The following DAB1 variants were observed in gnomAD, a reference collection of about 807,000 sequenced individuals.
DAB1 encodes disabled homolog 1.
In DAB1, 15 loss-of-function variants were observed where a neutral mutation model predicts 64.6. The observed-to-expected ratio is 0.23, with a 90% CI of 0.16 to 0.36. The LOEUF is 0.36. Ranked by LOEUF, DAB1 falls within the 10% of genes least tolerant of loss-of-function variation. The pLI is 1.00. For missense variants in DAB1, 596 were observed against 706.7 expected (o/e 0.84, Z 1.78); for synonymous variants, 235 against 251.9 (o/e 0.93, Z 0.64).
rs547575477 is a variant in DAB1 at position 57,563,397 on chromosome 1, CT to C, written n.625+86194del. On this transcript the variant is annotated intron_variant and non_coding_transcript_variant, in intron 7 of 20. Coordinates refer to the DAB1 transcript ENST00000485760. Reference sequence around the variant, plus strand: ...AGACGGGTGATTTCTGCATTTCCAACTGAGGTACCAGGTTTATCTCACTGGG... The same window carrying C: ...AGACGGGTGATTTCTGCATTTCCAACGAGGTACCAGGTTTATCTCACTGGG... Among the ~76,000 whole-genome samples the C allele has an allele frequency of 6.8e-3, 1,037 of 152,300 alleles. 8 individuals are homozygous for C. Among genetic ancestry groups the C allele is most frequent in the Non-Finnish European group, 0.011 (761 of 68,028 alleles).
intron 1 of DAB1, among the ~76,000 whole-genome samples, chr1:57,368,880 C>G (rs1680273025): frequency 6.6e-6 from 1 of 152,122 alleles, no homozygotes; most frequent in Admixed American, 6.5e-5. Flanking sequence ...TATGGGTAAA[C>G]TTACCAAAGA....
chr1:57,649,864 G>C (rs1335367803), intron 6 of DAB1, among the ~76,000 whole-genome samples: 1 of 152,182 alleles, frequency 6.6e-6, no homozygotes, highest in African/African-American at 2.4e-5. Flanking sequence ...TTAGGCAAGA[G>C]GTAGTCACAG....
chr1:57,979,838 T>A (rs1362083871), intron 5 of DAB1, among the ~76,000 whole-genome samples: 1 of 152,202 alleles, frequency 6.6e-6, no homozygotes, highest in Non-Finnish European at 1.5e-5. Context: ...TAATTCCTTC[T>A]TTAGATCCCT....
intron 2 of DAB1, among the ~76,000 whole-genome samples, chr1:57,246,619 G>A (rs1446868261): frequency 3.3e-5 from 5 of 152,216 alleles, no homozygotes; most frequent in South Asian, 4.1e-4. Flanking sequence ...GCTGTGAGAG[G>A]AGGGACACTG....
At chr1:58,315,273 T>C (rs750660691) in intron 4 of DAB1, among the ~76,000 whole-genome samples, 15 of 152,198 alleles carry the variant, frequency 9.9e-5, no homozygotes, top group Non-Finnish European at 1.6e-4. Context: ...GGACCATGTA[T>C]TAATCTTTGG....
At chr1:58,375,184 C>A (rs1282627861) in intron 3 of DAB1, among the ~76,000 whole-genome samples, 2 of 149,398 alleles carry the variant, frequency 1.3e-5, no homozygotes, top group South Asian at 2.1e-4. Context: ...CCTTCTCCTG[C>A]CTAATTGCCC....
At chr1:57,451,184 G>A (rs1686341551) in intron 7 of DAB1, among the ~76,000 whole-genome samples, 1 of 152,086 alleles carries the variant, frequency 6.6e-6, no homozygotes, top group South Asian at 2.1e-4. Context: ...CCCTGCATTT[G>A]TCTTACTTTG....
chr1:57,194,198 T>C (rs1297369763), intron 2 of DAB1, among the ~76,000 whole-genome samples: 1 of 152,232 alleles, frequency 6.6e-6, no homozygotes, highest in Non-Finnish European at 1.5e-5. Context: ...TAACTGACCA[T>C]TACGGCTGTT....
chr1:57,920,654 C>G (rs1051491526), intron 5 of DAB1, among the ~76,000 whole-genome samples: 12 of 152,144 alleles, frequency 7.9e-5, no homozygotes, highest in African/African-American at 2.9e-4. Flanking sequence ...AATTATTAAT[C>G]TCTCCAAGGC....
At chr1:58,049,205 G>T (rs1442766235) in intron 5 of DAB1, 3 of 768,044 alleles carry the variant, frequency 3.9e-6, no homozygotes, top group African/African-American at 3.4e-5. Flanking sequence ...GGCTTCTCAG[G>T]TTCTCATCAG....
intron 2 of DAB1, among the ~76,000 whole-genome samples, chr1:57,259,820 G>A (rs1670047125): frequency 6.6e-6 from 1 of 152,178 alleles, no homozygotes; most frequent in Non-Finnish European, 1.5e-5. Flanking sequence ...AAAATTAGAA[G>A]ACATCAAGCA....
Position 57,507,451 on chromosome 1 carries a change from T to C in DAB1, n.625+142141A>G, listed in dbSNP as rs1035998156. 1.3e-4 allele frequency among the ~76,000 whole-genome samples: 20 copies of C among 152,336 alleles called. 1 individual carries two copies. Among genetic ancestry groups the C allele is most frequent in the African/African-American group, 4.6e-4 (19 of 41,580 alleles). Reference sequence around the variant, plus strand: ...TTTCACCATTTCAGTGCACGTTCTATATTTCCACCTCAACTATCTTAACTA... The same window carrying C: ...TTTCACCATTTCAGTGCACGTTCTACATTTCCACCTCAACTATCTTAACTA... On this transcript the variant is annotated intron_variant and non_coding_transcript_variant, in intron 7 of 20. Transcript: ENST00000485760.
At position 57,015,320 on chromosome 1, in the gene DAB1, G is replaced by A. The variant is rs1646393203; in HGVS notation, c.1007C>T (p.Ala336Val). 2 of 1,613,964 alleles carry A rather than the reference G, an allele frequency of 1.2e-6. No individual in the cohort carries two copies. Among genetic ancestry groups the A allele is most frequent in the African/African-American group, 2.7e-5 (2 of 74,924 alleles). Residue 336 changes from alanine to valine, a missense_variant, in exon 12 of 15, where the codon GCT (alanine) becomes GTT (valine). Physicochemically the swap from Ala to Val is moderately conservative, Grantham distance 64. Coordinates refer to ENST00000371236, the MANE Select transcript of DAB1 (RefSeq NM_001365792.1). ...QPPVAQVMPG[A>V]QPIAWGQPGL... ...CGGCTGGCCCCATGCGATGGGCTGA[G>A]CCCCCGGCATCACCTGAGCGACTGG...
chr1:57,000,749 T>C (rs658127), intron 14 of DAB1, among the ~76,000 whole-genome samples: 48,816 of 152,046 alleles, frequency 0.32, 9,607 homozygotes, highest in African/African-American at 0.54. Flanking sequence ...TGTTCTCAGC[T>C]CATTCTTCTT....
intron 7 of DAB1, among the ~76,000 whole-genome samples, chr1:57,446,598 CA>C (rs11418380): frequency 1.3e-3 from 167 of 132,768 alleles, no homozygotes; most frequent in African/African-American, 2.2e-3. Context: ...AACTCCGTTG[CA>C]AAAAAAAAAA....
intron 5 of DAB1, among the ~76,000 whole-genome samples, chr1:57,902,106 A>G (rs1644483076): frequency 6.6e-6 from 1 of 151,468 alleles, no homozygotes; most frequent in Admixed American, 6.6e-5. Flanking sequence ...GCCGTGAGCC[A>G]AGATAACACC....
intron 3 of DAB1, among the ~76,000 whole-genome samples, chr1:58,391,036 ATGAATATATCAG>A (rs1471478617): frequency 6.6e-6 from 1 of 152,200 alleles, no homozygotes; most frequent in East Asian, 1.9e-4. Flanking sequence ...CATCATACAG[ATGAATATATCAG>A]CCAGGAAAAC....
intron 1 of DAB1, chr1:57,386,489 A>G (rs1681865659): frequency 6.6e-6 from 1 of 151,990 alleles, no homozygotes; most frequent in Admixed American, 6.6e-5. Flanking sequence ...TAACAAAACA[A>G]CCTGAGACTG....
chr1:58,433,621 TTG>T (rs1282042616), intron 3 of DAB1, among the ~76,000 whole-genome samples: 4 of 93,662 alleles, frequency 4.3e-5, no homozygotes, highest in Admixed American at 1.0e-4. Context: ...GTGTGTGTGT[TTG>T]TGTGTGTGTG....
Sources: allele counts gnomAD v4.1 joint callset (sites outside exome capture counted in the v4.1 genomes callset), GRCh38; gene constraint gnomAD v4.1.1; transcripts MANE v1.5; gene names NCBI Gene and HGNC (gene_info 2026-07-23, HGNC 2026-07-21).